Variants in DUS4L observed in about 807,000 individuals in gnomAD.
The protein encoded by DUS4L is tRNA-dihydrouridine(20a/20b) synthase [NAD(P)+]-like.
In DUS4L, 31 loss-of-function variants were observed where a neutral mutation model predicts 33.8. That is an observed-to-expected ratio of 0.92 (90% CI 0.69 to 1.24). The LOEUF (loss-of-function observed/expected upper bound fraction) is 1.24, where lower values mean the gene tolerates loss of function less well. DUS4L is among the 50% of genes most tolerant of loss of function. DUS4L has a pLI of 0.00. For missense variants in DUS4L, 368 were observed against 388.6 expected (o/e 0.95, Z 0.45); for synonymous variants, 103 against 120.3 (o/e 0.86, Z 0.94).
At position 107,577,383 on chromosome 7, in the gene DUS4L, A is replaced by C; in HGVS notation, c.777A>C (p.Lys259Asn). Residue 259 changes from lysine (K) to asparagine (N), a missense_variant, in exon 8 of 8, where the codon AAA becomes AAC. Lys to Asn is a moderately conservative substitution (Grantham distance 94). Transcript: ENST00000265720. ...MFAGYEETPL[K>N]CIWDWVDIAL... ...CTGGATATGAGGAAACCCCACTGAA[A>C]TGCATCTGGGACTGGGTTGACATTG... 1 of 1,614,116 alleles carries C rather than the reference A, an allele frequency of 6.2e-7. No individual in the cohort carries two copies. Among genetic ancestry groups the C allele is most frequent in the Non-Finnish European group, 8.5e-7 (1 of 1,180,020 alleles).
At chr7:107,570,062 A>C (rs73724536) in intron 3 of DUS4L, 1 of 151,828 alleles carries the variant, frequency 6.6e-6, no homozygotes, top group Non-Finnish European at 1.5e-5. Context: ...CTGGTTTTCC[A>C]AGAGTTAGCT....
intron 3 of DUS4L, 79 bp downstream of exon 3, chr7:107,567,265 C>A: frequency 3.3e-6 from 4 of 1,205,374 alleles, no homozygotes; most frequent in Non-Finnish European, 3.6e-6. Context: ...ACTGTAAGAC[C>A]ACCCACCATA....
In DUS4L at chr7:107,575,426, G is replaced by A. The variant is rs887406298; in HGVS notation, c.479+116G>A. 46 of 1,143,056 alleles carry A rather than the reference G, an allele frequency of 4.0e-5. No individual in the cohort carries two copies. The East Asian group carries it at 1.1e-3, about 28-fold the overall frequency. The allele number at this position is 1,143,056 out of a possible 1,614,324, so 70.8% of individuals were successfully genotyped here. On this transcript the variant is annotated intron_variant, in intron 6 of 7. Coordinates refer to ENST00000265720, the MANE Select transcript of DUS4L (RefSeq NM_181581.3). The stretch of plus-strand genomic sequence containing the variant: ...TATCCTAAATAAATTGGTAGCTGGT[G>A]TATGGAAATGTTGAAAATAAGACAT...
Position 107,578,509 on chromosome 7 carries a change from T to C in DUS4L, c.*949T>C, listed in dbSNP as rs1805997391. On this transcript the variant is annotated 3_prime_UTR_variant, in exon 8 of 8. Transcript: ENST00000265720. ...TTCACGTTTGGGAATATTGAATGAA[T>C]CCATTTTAACATAAGCACTGTGGTG... 1 of 152,220 alleles carries C rather than the reference T, an allele frequency of 6.6e-6. No individual in the cohort carries two copies. The highest frequency in any genetic ancestry group is 6.5e-5 in the Admixed American group (1 of 15,280). The allele number at this position is 152,220 out of a possible 1,614,324, so 9.4% of individuals were successfully genotyped here.
At chr7:107,572,705 CTG>C in intron 4 of DUS4L, among the ~76,000 whole-genome samples, 1 of 152,100 alleles carries the variant, frequency 6.6e-6, no homozygotes, top group East Asian at 1.9e-4. Flanking sequence ...CAAAAATTGG[CTG>C]GCCATGGTGG....
At chr7:107,565,458 C>A (rs1428012429) in intron 2 of DUS4L, among the ~76,000 whole-genome samples, 2 of 152,162 alleles carry the variant, frequency 1.3e-5, no homozygotes, top group African/African-American at 4.8e-5. Context: ...TAGGGTATGG[C>A]TTGGGCATGC....
intron 5 of DUS4L, chr7:107,574,932 T>G (rs568323783): frequency 8.8e-6 from 4 of 452,274 alleles, no homozygotes; most frequent in Non-Finnish European, 1.6e-5. Context: ...TAAACCTGTT[T>G]TGGTTGAATG....
In DUS4L at chr7:107,577,417, C is replaced by T. The variant is rs1805849939; in HGVS notation, c.811C>T (p.Leu271Phe). 3 of 1,613,956 alleles carry T rather than the reference C, an allele frequency of 1.9e-6. No individual in the cohort carries two copies. Among genetic ancestry groups the T allele is most frequent in the Non-Finnish European group, 1.7e-6 (2 of 1,180,034 alleles). ...GGACTGGGTTGACATTGCTCTTGAA[C>T]TCGGGACTCCTTACATGTGTTTCCA... ...IWDWVDIALE[L>F]GTPYMCFHQH... The change falls in exon 8 of 8, where the codon CTC becomes TTC. Residue 271 changes from leucine to phenylalanine, a missense_variant. Leu to Phe is a conservative substitution (Grantham distance 22). Transcript: ENST00000265720.
intron 6 of DUS4L, among the ~76,000 whole-genome samples, chr7:107,576,151 G>GT (rs938355473): frequency 6.6e-6 from 1 of 152,200 alleles, no homozygotes; most frequent in Non-Finnish European, 1.5e-5. Context: ...GATAAAACTT[G>GT]TTTTTTGTCC....
intron 3 of DUS4L, chr7:107,570,225 GA>G (rs1234201750): frequency 1.3e-5 from 2 of 152,022 alleles, no homozygotes; most frequent in African/African-American, 4.8e-5. Context: ...GGCTTTTTCT[GA>G]CAACACTCCA....
In DUS4L at chr7:107,577,510, T is replaced by C. The variant is rs1380869162; in HGVS notation, c.904T>C (p.Ser302Pro). The C allele has an allele frequency of 1.2e-6, 2 of 1,614,140 alleles. No individual in the cohort carries two copies. Among genetic ancestry groups the C allele is most frequent in the Non-Finnish European group, 1.7e-6 (2 of 1,180,018 alleles). The change falls in exon 8 of 8, where the codon TCA (serine) becomes CCA (proline). Residue 302 changes from serine to proline, a missense_variant. By Grantham distance (74) the Ser-to-Pro change is moderately conservative (BLOSUM62 -1). Coordinates refer to ENST00000265720, the MANE Select transcript of DUS4L (RefSeq NM_181581.3). The part of the protein sequence containing the change: ...RQEKRVFNAL[S>P]STSAIIDYLT... ...GGAAAAAAGGGTATTTAATGCTCTG[T>C]CAAGCACATCAGCAATCATAGATTA...
At chr7:107,570,884 A>G (rs1438039835) in intron 3 of DUS4L, 6 of 342,558 alleles carry the variant, frequency 1.8e-5, no homozygotes, top group Non-Finnish European at 3.2e-5. Context: ...TAAAACCCAG[A>G]GAACTCACCA....
At chr7:107,574,042 G>T (rs912677502) in intron 5 of DUS4L, among the ~76,000 whole-genome samples, 1 of 152,144 alleles carries the variant, frequency 6.6e-6, no homozygotes, top group African/African-American at 2.4e-5. Flanking sequence ...CCTTTGACAG[G>T]TGTTTTGTCT....
At chr7:107,574,017 G>A in intron 5 of DUS4L, 196 bp downstream of exon 5, 1 of 784,188 alleles carries the variant, frequency 1.3e-6, no homozygotes, top group Non-Finnish European at 1.7e-6. Context: ...TCTGATGACT[G>A]AAATGATGTA....
chr7:107,565,121 AT>A (rs1167253266), intron 2 of DUS4L, among the ~76,000 whole-genome samples: 1 of 152,176 alleles, frequency 6.6e-6, no homozygotes, highest in African/African-American at 2.4e-5. Context: ...TGAATTAGGA[AT>A]TGTTTTTCCT....
chr7:107,567,575 C>A (rs535583703), intron 3 of DUS4L, among the ~76,000 whole-genome samples: 2 of 152,210 alleles, frequency 1.3e-5, no homozygotes, highest in African/African-American at 4.8e-5. Context: ...TTCTTCGTAT[C>A]TTTTGCTCAT....
chr7:107,565,605 C>T (rs1168951017), intron 2 of DUS4L, among the ~76,000 whole-genome samples: 1 of 152,166 alleles, frequency 6.6e-6, no homozygotes, highest in Non-Finnish European at 1.5e-5. Context: ...CTCACTGCAG[C>T]CTCAACCTCC....
rs768814850 is a variant in DUS4L, at chr7:107,573,766, C to T, written c.301C>T (p.Arg101Cys). The T allele has an allele frequency of 9.9e-6, 16 of 1,609,082 alleles. No homozygotes were observed. The Admixed American group carries it at 1.0e-4, about 10-fold the overall frequency. Residue 101 changes from arginine (R) to cysteine (C), a missense_variant, in exon 5 of 8, where the codon CGT becomes TGT. Arg to Cys is a radical substitution (Grantham distance 180, BLOSUM62 -3). Coordinates refer to ENST00000265720, the MANE Select transcript of DUS4L (RefSeq NM_181581.3). ...NDARLLSDAARIVCPYANGID... is the reference protein window; with the variant it reads ...NDARLLSDAACIVCPYANGID... Reference sequence around the variant, plus strand: ...TGCAAGACTTTTATCTGATGCTGCTCGTATAGTCTGTCCTTATGCGAATGG... The same window carrying T: ...TGCAAGACTTTTATCTGATGCTGCTTGTATAGTCTGTCCTTATGCGAATGG...
Position 107,576,577 on chromosome 7 carries a change from A to G in DUS4L, c.691A>G (p.Ile231Val). ...AAAGGAAGCAGAAAATGTGTGGCGG[A>G]TTACTGGGACAGATGGTAAGAAATA... is the stretch of plus-strand genomic sequence containing the variant. ...SLKEAENVWR[I>V]TGTDGVMVAR... The change falls in exon 7 of 8, where the codon ATT (isoleucine) becomes GTT (valine). Residue 231 changes from isoleucine (I) to valine (V), a missense_variant. Ile to Val is a conservative substitution (Grantham distance 29). Coordinates refer to ENST00000265720, the MANE Select transcript of DUS4L (RefSeq NM_181581.3). 6.3e-7 allele frequency: 1 copy of G among 1,590,832 alleles called. No individual in the cohort carries two copies. Among genetic ancestry groups the G allele is most frequent in the Non-Finnish European group, 8.5e-7 (1 of 1,170,550 alleles).
Sources: allele counts gnomAD v4.1 joint callset (sites outside exome capture counted in the v4.1 genomes callset), GRCh38; gene constraint gnomAD v4.1.1; transcripts MANE v1.5; gene names NCBI Gene and HGNC (gene_info 2026-07-23, HGNC 2026-07-21).